The following SVOPL variants were observed in gnomAD, a reference collection of about 807,000 sequenced individuals.
SVOPL encodes the protein putative transporter SVOPL.
SVOPL carries 60 observed loss-of-function variants against 61.0 expected under a neutral mutation model. The ratio of observed to expected loss-of-function variants is 0.98; its 90% CI spans 0.80 to 1.22. The LOEUF is 1.22. Ranked by LOEUF, SVOPL falls within the 50% of genes most tolerant of loss-of-function variation. The pLI, the probability that SVOPL is intolerant of heterozygous loss-of-function variation, is 0.00. For synonymous variants in SVOPL, 279 were observed against 250.0 expected (o/e 1.12, Z -1.09); for missense variants, 662 against 643.9 (o/e 1.03, Z -0.30).
intron 15 of SVOPL, among the ~76,000 whole-genome samples, chr7:138,594,926 C>T (rs1012404163): frequency 2.8e-4 from 41 of 144,420 alleles, no homozygotes; most frequent in Middle Eastern, 3.2e-3. Context: ...ATATATATAA[C>T]TTTTTTTTTT....
At chr7:138,621,989 T>C (rs1799618384) in intron 13 of SVOPL, among the ~76,000 whole-genome samples, 1 of 126,706 alleles carries the variant, frequency 7.9e-6, no homozygotes, top group Admixed American at 7.9e-5. Flanking sequence ...TATCTATCTA[T>C]GTATCTATCT....
chr7:138,678,865 T>A, intron 2 of SVOPL, 99 bp downstream of exon 2: 1 of 1,254,392 alleles, frequency 8.0e-7, no homozygotes, highest in South Asian at 1.4e-5. Context: ...CCACCATGCC[T>A]GGCTGCTTCT....
At chr7:138,629,228 C>T (rs547698526) in intron 10 of SVOPL, among the ~76,000 whole-genome samples, 1 of 109,446 alleles carries the variant, frequency 9.1e-6, no homozygotes, top group Non-Finnish European at 1.8e-5. Context: ...ACCTTTCAGG[C>T]TCTTCATGAT....
intron 14 of SVOPL, chr7:138,596,749 G>A: frequency 8.2e-7 from 1 of 1,215,606 alleles, no homozygotes; most frequent in Non-Finnish European, 1.0e-6. Flanking sequence ...ACACGCATTG[G>A]CCAGGTAAGA....
chr7:138,675,360 A>T (rs1802533279), intron 3 of SVOPL, among the ~76,000 whole-genome samples: 1 of 151,960 alleles, frequency 6.6e-6, no homozygotes, highest in Non-Finnish European at 1.5e-5. Context: ...TTTTTATTTT[A>T]TTTTTTTAAC....
At chr7:138,632,487 G>T (rs1278821798) in intron 9 of SVOPL, among the ~76,000 whole-genome samples, 1 of 152,118 alleles carries the variant, frequency 6.6e-6, no homozygotes, top group Non-Finnish European at 1.5e-5. Flanking sequence ...GGGCATGATG[G>T]ATGGGGGCCG....
chr7:138,650,685 C>T (rs1479932924), intron 7 of SVOPL, among the ~76,000 whole-genome samples: 5 of 134,470 alleles, frequency 3.7e-5, no homozygotes, highest in Non-Finnish European at 4.7e-5. Context: ...CCATGACATG[C>T]ACCTGTAGTC....
intron 13 of SVOPL, among the ~76,000 whole-genome samples, chr7:138,622,038 G>GTATCTATCTATCTATCTATC (rs1415006683): frequency 1.0e-4 from 1 of 9,826 alleles, no homozygotes; most frequent in Admixed American, 1.4e-3. Flanking sequence ...ATCTATCTAT[G>GTATCTATCTATCTATCTATC]TATCTATCTA....
At chr7:138,674,911 G>A (rs145902202) in intron 3 of SVOPL, among the ~76,000 whole-genome samples, 1 of 151,524 alleles carries the variant, frequency 6.6e-6, no homozygotes, top group Non-Finnish European at 1.5e-5. Context: ...TCCTTGAGAT[G>A]TTCTGGGTGA....
intron 4 of SVOPL, among the ~76,000 whole-genome samples, chr7:138,671,104 A>G (rs1802404421): frequency 6.6e-6 from 1 of 152,120 alleles, no homozygotes; most frequent in Non-Finnish European, 1.5e-5. Context: ...TGGAGGGTTT[A>G]TATGTGTTTG....
chr7:138,625,819 A>G (rs1319852473), intron 13 of SVOPL, 150 bp downstream of exon 13: 6 of 700,690 alleles, frequency 8.6e-6, no homozygotes, highest in Non-Finnish European at 1.1e-5. Flanking sequence ...GGAAATTCAT[A>G]TCAAATAAAC....
chr7:138,674,768 A>G (rs181392431), intron 3 of SVOPL, among the ~76,000 whole-genome samples: 96 of 151,954 alleles, frequency 6.3e-4, no homozygotes, highest in Middle Eastern at 6.8e-3. Flanking sequence ...AAGCAGGAGA[A>G]TGGCGTGAAC....
chr7:138,689,565 A>G lies in SVOPL; in HGVS notation c.-34-10486T>C, dbSNP rs1584870746. 3.8e-5 allele frequency: 5 copies of G among 130,966 alleles called. No homozygotes were observed. The South Asian group carries it at 4.5e-4, about 12-fold the overall frequency. The allele number at this position is 130,966 out of a possible 1,614,324, so 8.1% of individuals were successfully genotyped here. A position where few individuals can be genotyped will look rare whatever the true frequency, so the allele number is the denominator to read the frequency against. On this transcript the variant is annotated intron_variant, in intron 1 of 15. Transcript: ENST00000674285. The stretch of plus-strand genomic sequence containing the variant: ...TAAATGAAATTAAAAGTAAAAAAAG[A>G]AAAAAAAAAAAGGGCCAGATGTGGT...
At position 138,649,115 on chromosome 7, in the gene SVOPL, A is replaced by G; in HGVS notation, c.557T>C (p.Leu186Pro). 1.2e-6 allele frequency: 2 copies of G among 1,613,876 alleles called. No homozygotes were observed. The highest frequency in any genetic ancestry group is 1.7e-6 in the Non-Finnish European group (2 of 1,179,926). Residue 186 changes from leucine to proline, a missense_variant, in exon 8 of 16, where the codon CTG (leucine) becomes CCG (proline). Coordinates refer to ENST00000674285, the MANE Select transcript of SVOPL (RefSeq NM_001139456.2). ...CACAGAGGCCAAGCCAATGATGAGC[A>G]GGGAGCCCGCAAGCCAGAACACCTA... ...LSQVFWLAGS[L>P]LIIGLASVII...
intron 14 of SVOPL, 167 bp from the exon 15 acceptor site, chr7:138,596,697 A>G (rs1584760850): frequency 7.4e-7 from 1 of 1,348,486 alleles, no homozygotes; most frequent in Non-Finnish European, 9.6e-7. Context: ...AATCTGGTGT[A>G]GTCATTTTGT....
intron 14 of SVOPL, among the ~76,000 whole-genome samples, chr7:138,617,561 A>G (rs1799355575): frequency 6.6e-6 from 1 of 152,156 alleles, no homozygotes; most frequent in Admixed American, 6.5e-5. Flanking sequence ...AAATATAAGT[A>G]ACTGAGGCCA....
chr7:138,631,056 A>T (rs191246208), intron 9 of SVOPL, among the ~76,000 whole-genome samples: 133 of 152,122 alleles, frequency 8.7e-4, no homozygotes, highest in Non-Finnish European at 1.3e-3. Flanking sequence ...TTGAAAACCA[A>T]CAGCTCTTTT....
intron 9 of SVOPL, among the ~76,000 whole-genome samples, chr7:138,636,053 G>A (rs190479505): frequency 2.2e-4 from 33 of 152,058 alleles, no homozygotes; most frequent in African/African-American, 7.7e-4. Context: ...CAAGCAGCTG[G>A]GAGTAGCTGG....
At chr7:138,609,614 G>C (rs560044016) in intron 14 of SVOPL, among the ~76,000 whole-genome samples, 10 of 151,422 alleles carry the variant, frequency 6.6e-5, no homozygotes, top group Non-Finnish European at 1.5e-4. Flanking sequence ...AGCTGTGATC[G>C]CACCACTGCC....
Sources: gnomAD v4.1 joint callset for allele counts (sites outside exome capture counted in the v4.1 genomes callset) on GRCh38, gnomAD v4.1.1 for gene constraint, MANE v1.5 for transcripts, NCBI Gene and HGNC (gene_info 2026-07-23, HGNC 2026-07-21) for gene names.